The following PHLPP1 variants were observed in gnomAD, a reference collection of about 807,000 sequenced individuals.
The protein encoded by PHLPP1 is PH domain leucine-rich repeat-containing protein phosphatase 1.
Under a neutral mutation model 117.2 loss-of-function variants are expected in PHLPP1, and 42 were observed. The observed-to-expected ratio is 0.36, with a 90% CI of 0.28 to 0.46. The LOEUF (loss-of-function observed/expected upper bound fraction) is 0.46. PHLPP1 is among the 20% of genes least tolerant of loss of function. The pLI, the probability that PHLPP1 is intolerant of heterozygous loss-of-function variation, is 1.00. For missense variants in PHLPP1, 2,084 were observed against 2,241.9 expected, an observed-to-expected ratio of 0.93 and a Z score of 1.42; for synonymous variants, 1,042 against 970.7, an observed-to-expected ratio of 1.07 and a Z score of -1.37.
chr18:62,860,403 TG>T, intron 3 of PHLPP1, 31 bp from the exon 4 acceptor site: 1 of 1,583,240 alleles, frequency 6.3e-7, no homozygotes. Flanking sequence ...GATAAGTGGA[TG>T]GTATTAAAAT....
chr18:62,826,412 G>A (rs1599068310), intron 1 of PHLPP1, among the ~76,000 whole-genome samples: 1 of 152,288 alleles, frequency 6.6e-6, no homozygotes, highest in Admixed American at 6.5e-5. Flanking sequence ...GGCTACCAAT[G>A]TTTCAAATCT....
chr18:62,769,743 A>G (rs1485233878), intron 1 of PHLPP1, among the ~76,000 whole-genome samples: 1 of 152,264 alleles, frequency 6.6e-6, no homozygotes, highest in Non-Finnish European at 1.5e-5. Flanking sequence ...TTCTTCTTCC[A>G]TGATGTATTC....
intron 9 of PHLPP1, among the ~76,000 whole-genome samples, chr18:62,918,429 AAT>A (rs34065978): frequency 0.073 from 10,294 of 140,374 alleles, 495 homozygotes; most frequent in Non-Finnish European, 0.1. Flanking sequence ...GTAAAGGATA[AAT>A]ATATATATAT....
intron 4 of PHLPP1, among the ~76,000 whole-genome samples, chr18:62,863,018 C>G (rs995519439): frequency 6.7e-6 from 1 of 150,174 alleles, no homozygotes; most frequent in African/African-American, 2.5e-5. Flanking sequence ...CTGTAGCTGA[C>G]GTGTACTATG....
At chr18:62,821,195 T>C (rs1914445036) in intron 1 of PHLPP1, among the ~76,000 whole-genome samples, 1 of 152,148 alleles carries the variant, frequency 6.6e-6, no homozygotes, top group Non-Finnish European at 1.5e-5. Flanking sequence ...ACTGGGAGGC[T>C]GAGGTGGGCA....
At chr18:62,735,951 T>C (rs538983700) in intron 1 of PHLPP1, among the ~76,000 whole-genome samples, 1 of 150,840 alleles carries the variant, frequency 6.6e-6, no homozygotes, top group African/African-American at 2.4e-5. Context: ...AGTATAATAA[T>C]AATAATACAT....
rs1911088448 is a variant in PHLPP1 at position 62,972,690 on chromosome 18, C to T, written c.3737C>T (p.Thr1246Ile). The T allele has an allele frequency of 6.2e-7, 1 of 1,611,644 alleles. No individual in the cohort carries two copies. The highest frequency in any genetic ancestry group is 1.7e-5 in the Admixed American group (1 of 59,924). ...TKNEEEYMVN[T>I]FIVMQRKLGT... Reference sequence around the variant, plus strand: ...AACGAAGAAGAATACATGGTCAATACATTCATTGTCATGCAAAGGTAAAAC... The same window carrying T: ...AACGAAGAAGAATACATGGTCAATATATTCATTGTCATGCAAAGGTAAAAC... The change falls in exon 15 of 17, where the codon ACA (threonine) becomes ATA (isoleucine). Residue 1246 changes from threonine to isoleucine, a missense_variant. Physicochemically the swap from Thr to Ile is moderately conservative, Grantham distance 89. This residue lies in a region of PHLPP1 where 1,365 missense variants were observed against 1,605.9 expected (regional missense o/e 0.85). Coordinates refer to ENST00000262719, the MANE Select transcript of PHLPP1 (RefSeq NM_194449.4).
chr18:62,745,745 A>G (rs1353574819), intron 1 of PHLPP1, among the ~76,000 whole-genome samples: 1 of 152,264 alleles, frequency 6.6e-6, no homozygotes, highest in Non-Finnish European at 1.5e-5. Context: ...GATTAAAATT[A>G]AAATTCTTAA....
At chr18:62,865,104 G>A (rs1915739130) in intron 4 of PHLPP1, among the ~76,000 whole-genome samples, 1 of 152,174 alleles carries the variant, frequency 6.6e-6, no homozygotes. Context: ...CAGGAAGCTG[G>A]CTTGAGACCA....
intron 9 of PHLPP1, among the ~76,000 whole-genome samples, chr18:62,917,396 TTGTGTGTG>T (rs34407573): frequency 1.4e-4 from 20 of 141,492 alleles, no homozygotes; most frequent in African/African-American, 2.9e-4. Context: ...ACAGTATTCT[TTGTGTGTG>T]TGTGTGTGTG....
intron 12 of PHLPP1, among the ~76,000 whole-genome samples, chr18:62,957,456 T>C (rs1910644676): frequency 6.7e-6 from 1 of 148,966 alleles, no homozygotes; most frequent in African/African-American, 2.4e-5. Context: ...CTCAGCCCCT[T>C]TTTTTTTTTG....
chr18:62,916,455 C>T (rs2144420570), intron 9 of PHLPP1, among the ~76,000 whole-genome samples: 1 of 151,268 alleles, frequency 6.6e-6, no homozygotes, highest in Middle Eastern at 3.4e-3. Context: ...TATTTTCATC[C>T]CTGAAAAGCT....
intron 1 of PHLPP1, among the ~76,000 whole-genome samples, chr18:62,772,686 C>T (rs2144268791): frequency 6.6e-6 from 1 of 151,870 alleles, no homozygotes; most frequent in East Asian, 1.9e-4. Context: ...AAAAAATTAG[C>T]TGGGCGTAGT....
intron 10 of PHLPP1, among the ~76,000 whole-genome samples, chr18:62,938,539 T>C (rs376973650): frequency 6.6e-6 from 1 of 152,226 alleles, no homozygotes; most frequent in African/African-American, 2.4e-5. Context: ...AAAAAATATT[T>C]TTAGTCCAAT....
At chr18:62,821,548 C>CAAAAAAAAAAAAAAAAAAAAAAA (rs1568127680) in intron 1 of PHLPP1, among the ~76,000 whole-genome samples, 6 of 29,330 alleles carry the variant, frequency 2.0e-4, no homozygotes, top group African/African-American at 3.6e-4. Context: ...GACCCTTTAT[C>CAAAAAAAAAAAAAAAAAAAAAAA]CAAAAAAAAA....
At chr18:62,912,084 T>A (rs888686296) in intron 8 of PHLPP1, among the ~76,000 whole-genome samples, 1 of 115,602 alleles carries the variant, frequency 8.7e-6, no homozygotes, top group Non-Finnish European at 1.8e-5. Context: ...TTCTCACTCA[T>A]AGGTGGGAAT....
chr18:62,754,562 A>C (rs1356519644), intron 1 of PHLPP1, among the ~76,000 whole-genome samples: 1 of 152,248 alleles, frequency 6.6e-6, no homozygotes, highest in Non-Finnish European at 1.5e-5. Context: ...CATCATGGAA[A>C]GGACTAGAAG....
At position 62,879,976 on chromosome 18, in the gene PHLPP1, C is replaced by A. The variant is rs547780441; in HGVS notation, c.2067-15035C>A. On this transcript the variant is annotated intron_variant, in intron 4 of 16. Coordinates refer to ENST00000262719, the MANE Select transcript of PHLPP1 (RefSeq NM_194449.4). ...AAACACTCATGGTACTTCCTCCCCC[C>A]ACCCCCCAATGCCGCCAGTAAGTTT... is the stretch of plus-strand genomic sequence containing the variant. Among the ~76,000 whole-genome samples, 9 of 152,156 alleles carry A rather than the reference C, an allele frequency of 5.9e-5. No individual in the cohort carries two copies. The East Asian group carries it at 1.4e-3, about 23-fold the overall frequency.
At chr18:62,958,530 A>G in intron 12 of PHLPP1, 99 bp from the exon 13 acceptor site, 1 of 1,142,692 alleles carries the variant, frequency 8.8e-7, no homozygotes. Flanking sequence ...ATTATAATGA[A>G]TGGTCAGACT....
Sources: gnomAD v4.1 joint callset for allele counts (sites outside exome capture counted in the v4.1 genomes callset) on GRCh38, gnomAD v4.1.1 for gene constraint, gnomAD v4.1.1 regional missense constraint, MANE v1.5 for transcripts, NCBI Gene and HGNC (gene_info 2026-07-23, HGNC 2026-07-21) for gene names.